SORBS2: variants seen among roughly 807,000 people sequenced by gnomAD.
The protein encoded by SORBS2 is sorbin and SH3 domain-containing protein 2.
Under a neutral mutation model 97.7 loss-of-function variants are expected in SORBS2, and 46 were observed. The ratio of observed to expected loss-of-function variants is 0.47; its 90% CI spans 0.37 to 0.60. SORBS2 has a LOEUF of 0.60. Among genes scored for constraint, SORBS2 ranks in the 20% least tolerant of loss-of-function variants. The pLI is 0.00. For synonymous variants in SORBS2, 476 were observed against 473.4 expected, an observed-to-expected ratio of 1.01 and a Z score of -0.07; for missense variants, 1,316 against 1,282.3, an observed-to-expected ratio of 1.03 and a Z score of -0.40.
chr4:185,603,848 A>C (rs2096337815), intron 12 of SORBS2, among the ~76,000 whole-genome samples: 1 of 152,220 alleles, frequency 6.6e-6, no homozygotes, highest in Non-Finnish European at 1.5e-5. Flanking sequence ...TCAGAGATGG[A>C]TGCTTTGTGA....
intron 2 of SORBS2, among the ~76,000 whole-genome samples, chr4:185,687,568 C>G (rs1300450122): frequency 6.6e-6 from 1 of 152,206 alleles, no homozygotes; most frequent in South Asian, 2.1e-4. Flanking sequence ...TTGTTAGCAC[C>G]TAACTACTTA....
chr4:185,838,426 G>T (rs983150812), intron 1 of SORBS2, among the ~76,000 whole-genome samples: 6 of 152,224 alleles, frequency 3.9e-5, no homozygotes, highest in African/African-American at 1.4e-4. Flanking sequence ...GGATGCGCTG[G>T]TTGCCCCAAG....
chr4:185,645,773 T>C (rs1444648962), intron 4 of SORBS2: 1 of 152,222 alleles, frequency 6.6e-6, no homozygotes, highest in Non-Finnish European at 1.5e-5. Flanking sequence ...AATGTTTTCC[T>C]AGAAGTAGGC....
chr4:185,680,283 A>G (rs2153502937), intron 2 of SORBS2, among the ~76,000 whole-genome samples: 1 of 152,348 alleles, frequency 6.6e-6, no homozygotes, highest in East Asian at 1.9e-4. Context: ...AGCTGGGACT[A>G]CAGGTATGTG....
intron 1 of SORBS2, among the ~76,000 whole-genome samples, chr4:185,815,502 G>A (rs142116684): frequency 8.5e-4 from 129 of 152,256 alleles, no homozygotes; most frequent in Middle Eastern, 3.4e-3. Flanking sequence ...TCTCCATTCA[G>A]AAATTATGTT....
intron 7 of SORBS2, among the ~76,000 whole-genome samples, chr4:185,621,450 TA>T (rs1400293590): frequency 2.0e-5 from 3 of 152,208 alleles, no homozygotes; most frequent in Non-Finnish European, 4.4e-5. Flanking sequence ...TATCTGCACA[TA>T]AAATTGAGAG....
chr4:185,652,668 T>C (rs761674032), exon 2 of SORBS2: 1 of 1,613,968 alleles, frequency 6.2e-7, no homozygotes, highest in South Asian at 1.1e-5. Context: ...ATACCCGGCT[T>C]GTGCACCATG....
chr4:185,940,815 T>A (rs906719613), intron 1 of SORBS2, among the ~76,000 whole-genome samples: 1 of 152,206 alleles, frequency 6.6e-6, no homozygotes, highest in African/African-American at 2.4e-5. Context: ...CTGTTTTTCT[T>A]TGAGGAGTCC....
intron 1 of SORBS2, among the ~76,000 whole-genome samples, chr4:185,886,340 G>A (rs965124922): frequency 6.6e-6 from 1 of 152,074 alleles, no homozygotes; most frequent in African/African-American, 2.4e-5. Flanking sequence ...CAGATTACAA[G>A]GTCAGGAGAT....
intron 4 of SORBS2, among the ~76,000 whole-genome samples, chr4:185,633,028 CTACTATT>C (rs1331848136): frequency 6.6e-6 from 1 of 152,134 alleles, no homozygotes; most frequent in Non-Finnish European, 1.5e-5. Flanking sequence ...CAGTTATGAT[CTACTATT>C]TACATATTAC....
In SORBS2 at chr4:185,623,826, G is replaced by T; in HGVS notation, c.1303C>A (p.Leu435Met). 5 of 1,614,188 alleles carry T rather than the reference G, an allele frequency of 3.1e-6. No individual in the cohort carries two copies. Among genetic ancestry groups the T allele is most frequent in the Non-Finnish European group, 4.2e-6 (5 of 1,180,020 alleles). The change falls in exon 7 of 15, where the codon CTG becomes ATG. Residue 435 changes from leucine (L) to methionine (M), a missense_variant. Leu to Met is a conservative substitution (Grantham distance 15). Transcript: ENST00000418609. This position sits in a 1 kb window ranked among gnomAD's most constrained non-coding sequence, Gnocchi z 6.4. Reference sequence around the variant, plus strand: ...GGTGGTTCTAGGGTTACGGGAGACAGCATGTCATCCCCTAAATTTGGCATG... The same window carrying T: ...GGTGGTTCTAGGGTTACGGGAGACATCATGTCATCCCCTAAATTTGGCATG...
At chr4:185,811,957 G>A (rs1414397233) in intron 1 of SORBS2, 1 of 152,270 alleles carries the variant, frequency 6.6e-6, no homozygotes, top group Non-Finnish European at 1.5e-5. Context: ...TGCAGGGAAA[G>A]CTTGCCTTCC....
At chr4:185,830,095 A>G (rs558242429) in intron 1 of SORBS2, among the ~76,000 whole-genome samples, 2 of 152,320 alleles carry the variant, frequency 1.3e-5, no homozygotes, top group South Asian at 2.1e-4. Flanking sequence ...ATCGCATGCC[A>G]TTTGATTATA....
intron 1 of SORBS2, among the ~76,000 whole-genome samples, chr4:185,797,177 C>T (rs532825863): frequency 6.6e-6 from 1 of 152,316 alleles, no homozygotes; most frequent in Non-Finnish European, 1.5e-5. Context: ...GTGCCGAAGA[C>T]TGTTTGGCAG....
intron 11 of SORBS2, among the ~76,000 whole-genome samples, chr4:185,612,390 T>G (rs774915056): frequency 6.6e-5 from 10 of 152,222 alleles, no homozygotes; most frequent in Middle Eastern, 6.8e-3. Context: ...CTTCAGAAAG[T>G]GCACCATAGC....
At chr4:185,756,585 T>C (rs943378395) in intron 2 of SORBS2, among the ~76,000 whole-genome samples, 3 of 152,230 alleles carry the variant, frequency 2.0e-5, no homozygotes, top group African/African-American at 7.2e-5. Context: ...AAAATGTATC[T>C]GTACATATGC....
At chr4:185,887,245 G>C (rs2099240135) in intron 1 of SORBS2, among the ~76,000 whole-genome samples, 1 of 152,228 alleles carries the variant, frequency 6.6e-6, no homozygotes, top group African/African-American at 2.4e-5. Flanking sequence ...ATTTCTTTCT[G>C]TTAGTAGAAC....
rs374179117 is a variant in SORBS2 at position 185,626,914 on chromosome 4, G to T, written c.552C>A (p.Gly184=). The T allele has an allele frequency of 2.5e-5, 41 of 1,614,060 alleles. 2 individuals are homozygous for T. Among genetic ancestry groups the T allele is most frequent in the East Asian group, 1.6e-4 (7 of 44,890 alleles). The stretch of plus-strand genomic sequence containing the variant: ...TGCTTGATCCTGGGAGGTCCACTCG[G>T]CCTGGGCTAGTCCTGCTCGCACTTT... The change falls in exon 6 of 15, where the codon GGC becomes GGA. Residue 184 remains glycine, a synonymous_variant. Transcript: ENST00000418609.
chr4:185,788,036 C>A (rs1351508992), intron 1 of SORBS2, among the ~76,000 whole-genome samples: 3 of 152,230 alleles, frequency 2.0e-5, no homozygotes, highest in African/African-American at 7.2e-5. Flanking sequence ...GTTCCAGATC[C>A]AGATCTGAGA....
Sources: allele counts gnomAD v4.1 joint callset (sites outside exome capture counted in the v4.1 genomes callset), GRCh38; gene constraint gnomAD v4.1.1; non-coding constraint Gnocchi (gnomAD v3.1); transcripts MANE v1.5; gene names NCBI Gene and HGNC (gene_info 2026-07-23, HGNC 2026-07-21).